The following PLEKHM2 variants were observed in gnomAD, a reference collection of about 807,000 sequenced individuals.
The protein encoded by PLEKHM2 is pleckstrin homology domain-containing family M member 2.
Under a neutral mutation model 116.3 loss-of-function variants are expected in PLEKHM2, and 77 were observed. The ratio of observed to expected loss-of-function variants is 0.66; its 90% CI spans 0.55 to 0.80. The LOEUF (loss-of-function observed/expected upper bound fraction) is 0.80, where lower values mean the gene tolerates loss of function less well. Among genes scored for constraint, PLEKHM2 ranks in the 30% least tolerant of loss-of-function variants. The pLI, the probability that PLEKHM2 is intolerant of heterozygous loss-of-function variation, is 0.00. For missense variants in PLEKHM2, 1,183 were observed against 1,354.9 expected, an observed-to-expected ratio of 0.87 and a Z score of 1.99; for synonymous variants, 562 against 571.0, an observed-to-expected ratio of 0.98 and a Z score of 0.22.
In PLEKHM2 at chr1:15,717,808, T is replaced by C. The variant is rs1571052293; in HGVS notation, c.278-85T>C. 7.0e-6 allele frequency: 6 copies of C among 861,468 alleles called. No individual in the cohort carries two copies. In the East Asian group the frequency reaches 1.6e-4, roughly 23 times the overall value. The allele number at this position is 861,468 out of a possible 1,614,324, so 53.4% of individuals were successfully genotyped here. On this transcript the variant is annotated intron_variant, in intron 3 of 19. Transcript: ENST00000375799. ...AGTGCCTGGTCCCATTACCTGCTCT[T>C]TCTTTCCTTTCTGCGCTTGCTTGGC...
rs549370959 is a variant in PLEKHM2 at position 15,702,266 on chromosome 1, T to C, written c.61-13971T>C. 1.2e-4 allele frequency among the ~76,000 whole-genome samples: 19 copies of C among 152,268 alleles called. No individual in the cohort carries two copies. The South Asian group carries it at 3.9e-3, about 32-fold the overall frequency. On this transcript the variant is annotated intron_variant, in intron 1 of 19. Transcript: ENST00000375799. ...CAGCATCGCCATGTGAGGGGCAGCC[T>C]CCAGGACTCAGTGGACCAAGAGGGC...
In PLEKHM2 at chr1:15,729,548, G is replaced by T. The variant is rs1304263802; in HGVS notation, c.2076-249G>T. 6.6e-6 allele frequency among the ~76,000 whole-genome samples: 1 copy of T among 152,098 alleles called. No homozygotes were observed. Among genetic ancestry groups the T allele is most frequent in the East Asian group, 1.9e-4 (1 of 5,186 alleles). On this transcript the variant is annotated intron_variant, in intron 13 of 19. Transcript: ENST00000375799. The surrounding 1 kb of genome is among the most constrained non-coding windows in gnomAD (Gnocchi z 4.7). ...CGTTGACGTCCTGCCCACCCTCTTT[G>T]TCTGTCTTCCCTCACTGTCAAAATC...
In PLEKHM2 at chr1:15,720,587, C is replaced by A. The variant is rs80121561; in HGVS notation, c.652+667C>A. 1.3e-3 allele frequency: 624 copies of A among 494,724 alleles called. 1 individual carries two copies. The highest frequency in any genetic ancestry group is 0.013 in the African/African-American group (592 of 47,300). 30.6% of individuals were successfully genotyped at this position (494,724 alleles called of 1,614,324 possible). On this transcript the variant is annotated intron_variant, in intron 6 of 19. Coordinates refer to ENST00000375799, the MANE Select transcript of PLEKHM2 (RefSeq NM_015164.4). ...TGGATAAAACTGGCCATTTTCCCCT[C>A]TTTATCTCCTGTAGGAGACCAGAGC...
At chr1:15,713,630 G>GT (rs146253570) in intron 1 of PLEKHM2, among the ~76,000 whole-genome samples, 13,950 of 150,628 alleles carry the variant, frequency 0.093, 1,357 homozygotes, top group African/African-American at 0.25. Context: ...TTGTTTGTTT[G>GT]TTTGTTTTTT....
chr1:15,709,769 C>T (rs1641294100), intron 1 of PLEKHM2, among the ~76,000 whole-genome samples: 1 of 150,854 alleles, frequency 6.6e-6, no homozygotes, highest in Non-Finnish European at 1.5e-5. Flanking sequence ...ATGCAAGCCA[C>T]CTTGAAATAA....
chr1:15,707,886 T>C (rs1641256279), intron 1 of PLEKHM2, among the ~76,000 whole-genome samples: 1 of 152,182 alleles, frequency 6.6e-6, no homozygotes, highest in South Asian at 2.1e-4. Context: ...TTAGTTCTCA[T>C]AGTTTATATT....
intron 7 of PLEKHM2, 28 bp from the exon 8 acceptor site, chr1:15,725,289 G>A (rs2068047799): frequency 3.3e-6 from 5 of 1,513,098 alleles, no homozygotes; most frequent in Non-Finnish European, 4.5e-6. Context: ...TGCCTGACAG[G>A]GTGTCTCCTG....
At chr1:15,682,477 C>T (rs2148320826), upstream of PLEKHM2, among the ~76,000 whole-genome samples, 1 of 148,736 alleles carries the variant, frequency 6.7e-6, no homozygotes, top group African/African-American at 2.5e-5. Context: ...ATTAGCTGGG[C>T]ATGGTGTCAC....
At chr1:15,703,674 G>A (rs1035957178) in intron 1 of PLEKHM2, among the ~76,000 whole-genome samples, 5 of 152,140 alleles carry the variant, frequency 3.3e-5, no homozygotes, top group South Asian at 2.1e-4. Flanking sequence ...AGAGAGAGAC[G>A]GGACAGAGAA....
rs1455508564 is a variant in PLEKHM2, at chr1:15,711,896, A to G, written c.61-4341A>G. 3.3e-5 allele frequency among the ~76,000 whole-genome samples: 5 copies of G among 152,030 alleles called. No homozygotes were observed. The South Asian group carries it at 1.0e-3, about 32-fold the overall frequency. ...CACTTTGGGAGGCTGAGGCGGGTGG[A>G]TCATCTGAGGTTGGGAGTTCAAGAC... is the stretch of plus-strand genomic sequence containing the variant. On this transcript the variant is annotated intron_variant, in intron 1 of 19. Coordinates refer to ENST00000375799, the MANE Select transcript of PLEKHM2 (RefSeq NM_015164.4).
intron 1 of PLEKHM2, among the ~76,000 whole-genome samples, chr1:15,711,889 C>T (rs146777164): frequency 0.02 from 3,094 of 151,944 alleles, 34 homozygotes; most frequent in African/African-American, 0.03. Context: ...GAGGCTGAGG[C>T]GGGTGGATCA....
Position 15,730,538 on chromosome 1 carries a change from G to T in PLEKHM2, c.2215G>T (p.Ala739Ser), listed in dbSNP as rs751676919. The change falls in exon 15 of 20, where the codon GCT (alanine) becomes TCT (serine). Residue 739 changes from alanine to serine, a missense_variant. Transcript: ENST00000375799. The part of the protein sequence containing the change: ...VAQESKCEAS[A>S]VTVRFYGLVH... Reference sequence around the variant, plus strand: ...GTGCCCGCCCCCGCATCAGGCATCTGCTGTCACCGTGCGCTTCTACGGCCT... The same window carrying T: ...GTGCCCGCCCCCGCATCAGGCATCTTCTGTCACCGTGCGCTTCTACGGCCT... 86 of 1,580,716 alleles carry T rather than the reference G, an allele frequency of 5.4e-5. No individual in the cohort carries two copies. The highest frequency in any genetic ancestry group is 1.7e-4 in the Middle Eastern group (1 of 5,878).
At chr1:15,733,618 G>C (rs1490734942) in intron 19 of PLEKHM2, among the ~76,000 whole-genome samples, 179 bp from the exon 20 acceptor site, 1 of 152,258 alleles carries the variant, frequency 6.6e-6, no homozygotes, top group Non-Finnish European at 1.5e-5. Flanking sequence ...CCCATCCTCA[G>C]CTCAAGCCCC....
chr1:15,733,845 T>C lies in PLEKHM2; in HGVS notation c.2971T>C (p.Phe991Leu), dbSNP rs201091991. ...AIQEASNKKK[F>L]EDALSLIHSA... Reference sequence around the variant, plus strand: ...CCAGGAAGCCTCCAACAAGAAGAAATTCGAGGATGCCTTGAGCCTCATCCA... The same window carrying C: ...CCAGGAAGCCTCCAACAAGAAGAAACTCGAGGATGCCTTGAGCCTCATCCA... The change falls in exon 20 of 20, where the codon TTC becomes CTC. Residue 991 changes from phenylalanine (F) to leucine (L), a missense_variant. This residue lies in a region of PLEKHM2 where 594 missense variants were observed against 720.1 expected (regional missense o/e 0.82). Coordinates refer to ENST00000375799, the MANE Select transcript of PLEKHM2 (RefSeq NM_015164.4). The C allele has an allele frequency of 3.5e-5, 57 of 1,612,974 alleles. No homozygotes were observed. The African/African-American group carries it at 5.5e-4, about 15-fold the overall frequency.
At chr1:15,709,952 G>A (rs968599783) in intron 1 of PLEKHM2, among the ~76,000 whole-genome samples, 4 of 152,004 alleles carry the variant, frequency 2.6e-5, no homozygotes, top group South Asian at 2.1e-4. Flanking sequence ...CAAGCCGGGC[G>A]CGGTGGCTCA....
chr1:15,718,592 C>A lies in PLEKHM2; in HGVS notation c.432C>A (p.Ser144=). Residue 144 remains serine, a synonymous_variant, in exon 5 of 20, where the codon TCC becomes TCA. Transcript: ENST00000375799. ...TGACGCTCTTCCTGACCTTGGTGTC[C>A]GGGCTAGAGTTCATTCGTTTCGAGC... ...DHLTLFLTLV[S]GLEFIRFELD... 7.2e-7 allele frequency: 1 copy of A among 1,394,926 alleles called. No individual in the cohort carries two copies. The highest frequency in any genetic ancestry group is 1.2e-5 in the South Asian group (1 of 83,718). 86.4% of individuals were successfully genotyped at this position (1,394,926 alleles called of 1,614,324 possible).
intron 1 of PLEKHM2, among the ~76,000 whole-genome samples, chr1:15,685,382 T>C (rs1046089520): frequency 6.6e-6 from 1 of 151,804 alleles, no homozygotes; most frequent in Non-Finnish European, 1.5e-5. Flanking sequence ...TCTGACGTTT[T>C]TGGGCTGGAT....
intron 4 of PLEKHM2, among the ~76,000 whole-genome samples, chr1:15,718,285 A>G (rs1641486288): frequency 6.6e-6 from 1 of 152,210 alleles, no homozygotes; most frequent in South Asian, 2.1e-4. Context: ...CAGAGTGTGT[A>G]CAGCAGCTGC....
chr1:15,684,978 T>C (rs923624589), intron 1 of PLEKHM2, among the ~76,000 whole-genome samples: 11 of 151,800 alleles, frequency 7.2e-5, no homozygotes, highest in Non-Finnish European at 1.2e-4. Context: ...ATCCGCTGCA[T>C]CCCCGGGTCC....
Sources: gnomAD v4.1 joint callset for allele counts (sites outside exome capture counted in the v4.1 genomes callset) on GRCh38, gnomAD v4.1.1 for gene constraint, gnomAD v4.1.1 regional missense constraint, Gnocchi (gnomAD v3.1) non-coding constraint, MANE v1.5 for transcripts, NCBI Gene and HGNC (gene_info 2026-07-23, HGNC 2026-07-21) for gene names.